Variants in WDFY2 observed in about 807,000 individuals in gnomAD.
The protein encoded by WDFY2 is WD repeat and FYVE domain-containing protein 2.
WDFY2 carries 36 observed loss-of-function variants against 56.4 expected under a neutral mutation model. The ratio of observed to expected loss-of-function variants is 0.64; its 90% confidence interval spans 0.49 to 0.84. The LOEUF (loss-of-function observed/expected upper bound fraction) is 0.84, where lower values mean the gene tolerates loss of function less well. WDFY2 is among the 40% of genes least tolerant of loss of function. WDFY2 has a pLI of 0.00. For synonymous variants in WDFY2, 176 were observed against 183.7 expected (o/e 0.96, Z 0.34); for missense variants, 444 against 512.2 (o/e 0.87, Z 1.29).
intron 1 of WDFY2, among the ~76,000 whole-genome samples, chr13:51,611,305 A>G (rs547469237): frequency 4.6e-5 from 7 of 152,240 alleles, no homozygotes; most frequent in African/African-American, 1.7e-4. Flanking sequence ...CTTGAAGAAT[A>G]TGTATAGTCA....
chr13:51,699,870 T>C (rs559845340), intron 3 of WDFY2, among the ~76,000 whole-genome samples: 83 of 152,328 alleles, frequency 5.4e-4, no homozygotes, highest in African/African-American at 1.8e-3. Flanking sequence ...CAAAGACCTT[T>C]CTCAAAGTAT....
chr13:51,733,742 C>T (rs930828534), intron 6 of WDFY2, among the ~76,000 whole-genome samples: 1 of 152,142 alleles, frequency 6.6e-6, no homozygotes, highest in African/African-American at 2.4e-5. Context: ...GGGTCAGCCG[C>T]ATTTGGTAAC....
At chr13:51,709,887 A>C (rs9535740) in intron 4 of WDFY2, among the ~76,000 whole-genome samples, 1 of 152,192 alleles carries the variant, frequency 6.6e-6, no homozygotes, top group Non-Finnish European at 1.5e-5. Context: ...TCCTTCTGAA[A>C]CTATTCCAAT....
intron 1 of WDFY2, among the ~76,000 whole-genome samples, chr13:51,600,839 G>A (rs892046593): frequency 1.3e-5 from 2 of 152,108 alleles, no homozygotes; most frequent in South Asian, 2.1e-4. Flanking sequence ...TAGTAGTAGC[G>A]GAATAATGAA....
chr13:51,735,223 C>T (rs769860644), intron 6 of WDFY2, among the ~76,000 whole-genome samples: 1 of 152,206 alleles, frequency 6.6e-6, no homozygotes. Flanking sequence ...TGCTTATTGT[C>T]CTCCTATTTC....
chr13:51,670,966 C>T (rs539588660), intron 2 of WDFY2, among the ~76,000 whole-genome samples: 213 of 152,290 alleles, frequency 1.4e-3, no homozygotes, highest in African/African-American at 4.8e-3. Flanking sequence ...TAAGAACATA[C>T]GATGTTTGCT....
At chr13:51,667,892 T>A (rs1955738942) in intron 2 of WDFY2, among the ~76,000 whole-genome samples, 1 of 125,814 alleles carries the variant, frequency 7.9e-6, no homozygotes, top group Non-Finnish European at 1.6e-5. Context: ...TTTTTTTTTT[T>A]TTTTTTTTTT....
chr13:51,603,042 C>T (rs1291827800), intron 1 of WDFY2, among the ~76,000 whole-genome samples: 1 of 152,094 alleles, frequency 6.6e-6, no homozygotes, highest in African/African-American at 2.4e-5. Context: ...CTTGTGGTTT[C>T]TTGAGTTCAA....
At chr13:51,625,304 A>G (rs186479223) in intron 1 of WDFY2, among the ~76,000 whole-genome samples, 1 of 152,264 alleles carries the variant, frequency 6.6e-6, no homozygotes, top group East Asian at 1.9e-4. Flanking sequence ...AGCCAGAGAC[A>G]TTTCTAGTAT....
At chr13:51,669,652 A>G (rs537402719) in intron 2 of WDFY2, among the ~76,000 whole-genome samples, 1 of 152,300 alleles carries the variant, frequency 6.6e-6, no homozygotes, top group Admixed American at 6.5e-5. Context: ...TTTTTTCCCT[A>G]GATTTTAATA....
chr13:51,631,815 C>G (rs1437792160), intron 1 of WDFY2, among the ~76,000 whole-genome samples: 1 of 152,198 alleles, frequency 6.6e-6, no homozygotes, highest in African/African-American at 2.4e-5. Flanking sequence ...AGGCGTGAGC[C>G]ACTGTGGCCA....
chr13:51,637,896 C>T (rs987327943), intron 1 of WDFY2, among the ~76,000 whole-genome samples: 3 of 152,174 alleles, frequency 2.0e-5, no homozygotes, highest in African/African-American at 7.2e-5. Context: ...GATATTAGGA[C>T]ACTCCCAAGT....
At chr13:51,734,900 T>C (rs1952801610) in intron 6 of WDFY2, among the ~76,000 whole-genome samples, 1 of 152,170 alleles carries the variant, frequency 6.6e-6, no homozygotes, top group African/African-American at 2.4e-5. Context: ...TCATTTAAAA[T>C]AGAAACACTG....
intron 11 of WDFY2, among the ~76,000 whole-genome samples, chr13:51,758,998 A>G (rs1953490610): frequency 1.3e-5 from 2 of 152,140 alleles, no homozygotes; most frequent in South Asian, 2.1e-4. Context: ...CCTGGCCACC[A>G]TAGTGTGACC....
intron 7 of WDFY2, among the ~76,000 whole-genome samples, chr13:51,745,193 C>G (rs1445266612): frequency 6.6e-6 from 1 of 152,020 alleles, no homozygotes; most frequent in Non-Finnish European, 1.5e-5. Flanking sequence ...TTTTCTTGCC[C>G]TTGAGTGTCA....
At chr13:51,675,303 A>G in intron 3 of WDFY2, 60 bp downstream of exon 3, 1 of 1,453,548 alleles carries the variant, frequency 6.9e-7, no homozygotes, top group Non-Finnish European at 9.5e-7. Flanking sequence ...GAGTATGTAT[A>G]TGTATTTATT....
At chr13:51,596,149 G>C (rs1363272185) in intron 1 of WDFY2, among the ~76,000 whole-genome samples, 1 of 152,070 alleles carries the variant, frequency 6.6e-6, no homozygotes, top group African/African-American at 2.4e-5. Context: ...ATTATATTTC[G>C]ATTTGGGGGA....
At chr13:51,677,023 G>A (rs1232070966) in intron 3 of WDFY2, among the ~76,000 whole-genome samples, 2 of 152,184 alleles carry the variant, frequency 1.3e-5, no homozygotes, top group African/African-American at 2.4e-5. Context: ...GGTGGTTAAT[G>A]GATACTGATA....
rs370856363 is a variant in WDFY2 at position 51,659,189 on chromosome 13, G to T, written c.138-1407G>T. Among the ~76,000 whole-genome samples the T allele has an allele frequency of 9.2e-5, 14 of 152,216 alleles. No homozygotes were observed. In the East Asian group the frequency reaches 2.7e-3, roughly 29 times the overall value. Reference sequence around the variant, plus strand: ...TGATCTGCCCACCTTGGCCTCCCAAGGTGCTGGGATTACAGGTGTGAGCCA... The same window carrying T: ...TGATCTGCCCACCTTGGCCTCCCAATGTGCTGGGATTACAGGTGTGAGCCA... On this transcript the variant is annotated intron_variant, in intron 1 of 11. Transcript: ENST00000298125.
Sources: gnomAD v4.1 joint callset for allele counts (sites outside exome capture counted in the v4.1 genomes callset) on GRCh38, gnomAD v4.1.1 for gene constraint, MANE v1.5 for transcripts, NCBI Gene and HGNC (gene_info 2026-07-23, HGNC 2026-07-21) for gene names.